The following SIM1 variants were observed in gnomAD, a reference collection of about 807,000 sequenced individuals.
SIM1 encodes single-minded homolog 1.
A neutral mutation model predicts 78.2 loss-of-function variants in SIM1; 18 were observed. The ratio of observed to expected loss-of-function variants is 0.23; its 90% CI spans 0.16 to 0.34. SIM1 has a LOEUF of 0.34. Among genes scored for constraint, SIM1 ranks in the 10% least tolerant of loss-of-function variants. SIM1 has a pLI of 1.00. For synonymous variants in SIM1, 417 were observed against 385.2 expected, an observed-to-expected ratio of 1.08 and a Z score of -0.97; for missense variants, 939 against 975.1, an observed-to-expected ratio of 0.96 and a Z score of 0.49.
intron 10 of SIM1, among the ~76,000 whole-genome samples, chr6:100,399,709 A>G (rs1770859865): frequency 6.6e-6 from 1 of 152,114 alleles, no homozygotes; most frequent in African/African-American, 2.4e-5. Context: ...CATTAAATAT[A>G]GCATAATGCA....
intron 10 of SIM1, among the ~76,000 whole-genome samples, chr6:100,409,328 A>G (rs1457729611): frequency 6.6e-6 from 1 of 152,166 alleles, no homozygotes; most frequent in Non-Finnish European, 1.5e-5. Flanking sequence ...TTGTTAGCAT[A>G]TAATTGTTCA....
chr6:100,402,840 T>G (rs1478356105), intron 10 of SIM1, among the ~76,000 whole-genome samples: 3 of 152,076 alleles, frequency 2.0e-5, no homozygotes, highest in African/African-American at 7.2e-5. Flanking sequence ...CCTCCCAAAG[T>G]GCTGGGATTA....
chr6:100,428,599 A>C (rs1771799048), intron 9 of SIM1, among the ~76,000 whole-genome samples: 1 of 150,286 alleles, frequency 6.7e-6, no homozygotes, highest in Non-Finnish European at 1.5e-5. Flanking sequence ...CTAGTAAGAC[A>C]GTAAACTGGT....
intron 10 of SIM1, among the ~76,000 whole-genome samples, chr6:100,410,499 A>T (rs765100567): frequency 2.6e-5 from 4 of 152,240 alleles, no homozygotes; most frequent in Non-Finnish European, 5.9e-5. Context: ...ACATATATCC[A>T]GGAATCTGTA....
intron 9 of SIM1, among the ~76,000 whole-genome samples, chr6:100,439,618 T>C (rs1772153746): frequency 6.6e-6 from 1 of 152,138 alleles, no homozygotes; most frequent in South Asian, 2.1e-4. Context: ...TGTAGAACAA[T>C]GAGGAATATA....
rs1314352377 is a variant in SIM1 at position 100,420,958 on chromosome 6, T to C, written c.999A>G (p.Thr333=). Residue 333 remains threonine (T), a splice_region_variant and synonymous_variant, in exon 10 of 12, where the codon ACA becomes ACG. Coordinates refer to ENST00000369208, the MANE Select transcript of SIM1 (RefSeq NM_005068.3). The stretch of plus-strand genomic sequence containing the variant: ...GCTGCAGCCCTTTGTATTCTGTGTC[T>C]CTGCAGGGTGGGAGGACAAAGCCCT... The part of the protein sequence containing the change: ...HCIVSVNYVL[T]DTEYKGLQLS... 1.2e-6 allele frequency: 2 copies of C among 1,612,716 alleles called. No homozygotes were observed. The highest frequency in any genetic ancestry group is 2.7e-5 in the African/African-American group (2 of 74,864).
chr6:100,429,718 T>A (rs981610946), intron 9 of SIM1, among the ~76,000 whole-genome samples: 1 of 152,218 alleles, frequency 6.6e-6, no homozygotes, highest in Non-Finnish European at 1.5e-5. Flanking sequence ...TGTGTGACTT[T>A]TATAATCAGC....
chr6:100,445,575 A>G (rs987903571), intron 9 of SIM1, among the ~76,000 whole-genome samples: 2 of 152,244 alleles, frequency 1.3e-5, no homozygotes, highest in Non-Finnish European at 2.9e-5. Flanking sequence ...CTGGAAAACA[A>G]AACAGAATAT....
At chr6:100,401,028 G>C (rs1270953945) in intron 10 of SIM1, among the ~76,000 whole-genome samples, 1 of 152,032 alleles carries the variant, frequency 6.6e-6, no homozygotes, top group Non-Finnish European at 1.5e-5. Context: ...ACTTTCACCA[G>C]GTGATCAAAA....
intron 10 of SIM1, among the ~76,000 whole-genome samples, chr6:100,410,264 T>A (rs541139343): frequency 1.3e-5 from 2 of 152,194 alleles, no homozygotes; most frequent in Non-Finnish European, 2.9e-5. Flanking sequence ...TTTCCCTAGA[T>A]ACGTTTTGAT....
intron 10 of SIM1, among the ~76,000 whole-genome samples, chr6:100,402,653 C>T (rs1181667238): frequency 7.0e-6 from 1 of 143,860 alleles, no homozygotes; most frequent in Non-Finnish European, 1.5e-5. Context: ...TCTCGGCTCA[C>T]GGCAAGCTCC....
At chr6:100,459,354 C>T (rs1772776677) in intron 2 of SIM1, among the ~76,000 whole-genome samples, 2 of 152,206 alleles carry the variant, frequency 1.3e-5, no homozygotes, top group African/African-American at 2.4e-5. Context: ...CTGCACTCCA[C>T]ATTTTAAGTC....
Position 100,461,422 on chromosome 6 carries a change from G to T in SIM1, c.175+1872C>A, listed in dbSNP as rs575196669. On this transcript the variant is annotated intron_variant, in intron 2 of 11. Coordinates refer to ENST00000369208, the MANE Select transcript of SIM1 (RefSeq NM_005068.3). ...GCCGACTCCCCGGGCTCTCCCGGCC[G>T]GCTCGGTGCCCGCCCCAGAACGCCG... 5.9e-5 allele frequency among the ~76,000 whole-genome samples: 9 copies of T among 152,314 alleles called. No homozygotes were observed. In the East Asian group the frequency reaches 1.4e-3, roughly 23 times the overall value.
chr6:100,433,229 C>T (rs921529336), intron 9 of SIM1, among the ~76,000 whole-genome samples: 5 of 152,144 alleles, frequency 3.3e-5, no homozygotes, highest in African/African-American at 1.2e-4. Context: ...AATGGCTTCC[C>T]AAAACCTTCA....
At position 100,453,832 on chromosome 6, in the gene SIM1, G is replaced by C; in HGVS notation, c.188C>G (p.Ala63Gly). The change falls in exon 3 of 12, where the codon GCG (alanine) becomes GGG (glycine). Residue 63 changes from alanine (A) to glycine (G), a missense_variant. By Grantham distance (60) the Ala-to-Gly change is moderately conservative (BLOSUM62 0). Around this residue, in one of 5 missense-constraint regions of SIM1, gnomAD observed 121 missense variants for 124.6 expected, o/e 0.97. Transcript: ENST00000369208. ...GCTGGTCCGACTTGAGTGGCCCCAC[G>C]CCTCGCCGAGCCCTGTGGAGACACA... ...RVVFPEGLGE[A>G]WGHSSRTSPL... 1.2e-6 allele frequency: 2 copies of C among 1,611,442 alleles called. No individual in the cohort carries two copies. The highest frequency in any genetic ancestry group is 1.3e-5 in the African/African-American group (1 of 74,810).
At chr6:100,422,049 T>C (rs1771603065) in intron 9 of SIM1, among the ~76,000 whole-genome samples, 1 of 152,194 alleles carries the variant, frequency 6.6e-6, no homozygotes, top group Non-Finnish European at 1.5e-5. Flanking sequence ...CTAGCAAGTG[T>C]ACAAAGTCCT....
At chr6:100,419,004 T>C (rs1771488886) in intron 10 of SIM1, among the ~76,000 whole-genome samples, 1 of 151,946 alleles carries the variant, frequency 6.6e-6, no homozygotes. Context: ...CCATCTCTAC[T>C]AAAAATACAA....
chr6:100,442,233 A>T (rs1772237626), intron 9 of SIM1, among the ~76,000 whole-genome samples: 2 of 152,240 alleles, frequency 1.3e-5, no homozygotes, highest in South Asian at 2.1e-4. Context: ...GATCCTTTTG[A>T]TAAAATACAA....
chr6:100,442,789 T>C (rs1473967368), intron 9 of SIM1, among the ~76,000 whole-genome samples: 1 of 152,076 alleles, frequency 6.6e-6, no homozygotes, highest in Non-Finnish European at 1.5e-5. Context: ...CACTGGTCTT[T>C]AAATAAGTAA....
Sources: gnomAD v4.1 joint callset for allele counts (sites outside exome capture counted in the v4.1 genomes callset) on GRCh38, gnomAD v4.1.1 for gene constraint, gnomAD v4.1.1 regional missense constraint, MANE v1.5 for transcripts, NCBI Gene and HGNC (gene_info 2026-07-23, HGNC 2026-07-21) for gene names.